The following ADAMTS17 variants were observed in gnomAD, a reference collection of about 807,000 sequenced individuals.
ADAMTS17 encodes ADAM metallopeptidase with thrombospondin type 1 motif 17, also known as A disintegrin and metalloproteinase with thrombospondin motifs 17.
In ADAMTS17, 113 loss-of-function variants were observed where a neutral mutation model predicts 141.5. That is an observed-to-expected ratio of 0.80 (90% CI 0.69 to 0.93). The LOEUF (loss-of-function observed/expected upper bound fraction) is 0.93, where lower values mean the gene tolerates loss of function less well. Among genes scored for constraint, ADAMTS17 ranks in the 40% least tolerant of loss-of-function variants. The pLI is 0.00. For missense variants in ADAMTS17, 1,659 were observed against 1,517.9 expected, an observed-to-expected ratio of 1.09 and a Z score of -1.54; for synonymous variants, 768 against 630.6, an observed-to-expected ratio of 1.22 and a Z score of -3.27.
chr15:100,055,395 A>C (rs2032481627), intron 15 of ADAMTS17, among the ~76,000 whole-genome samples: 1 of 152,248 alleles, frequency 6.6e-6, no homozygotes, highest in South Asian at 2.1e-4. Flanking sequence ...GTCGCTGGGT[A>C]GTCACTGGCC....
At chr15:100,263,964 A>T (rs1201043992) in intron 4 of ADAMTS17, among the ~76,000 whole-genome samples, 1 of 152,238 alleles carries the variant, frequency 6.6e-6, no homozygotes, top group Non-Finnish European at 1.5e-5. Context: ...AAGCGCTAGA[A>T]GCCAGGCACG....
intron 15 of ADAMTS17, chr15:100,063,600 C>T (rs2141669438): frequency 8.2e-7 from 1 of 1,223,792 alleles, no homozygotes; most frequent in Non-Finnish European, 1.1e-6. Context: ...GGAGGAATGA[C>T]ACTGAACCAA....
chr15:100,155,449 C>T, intron 8 of ADAMTS17, 129 bp from the exon 9 acceptor site: 3 of 1,292,696 alleles, frequency 2.3e-6, no homozygotes, highest in Non-Finnish European at 3.2e-6. Context: ...GAAAGTGGTT[C>T]TCACACAGCA....
At chr15:100,189,540 G>A (rs1205901313) in intron 8 of ADAMTS17, among the ~76,000 whole-genome samples, 1 of 152,164 alleles carries the variant, frequency 6.6e-6, no homozygotes, top group Non-Finnish European at 1.5e-5. Context: ...AGACTCACTA[G>A]GTGTCATTTA....
chr15:100,254,328 T>G (rs1371230692), intron 6 of ADAMTS17, 149 bp from the exon 7 acceptor site: 1 of 736,274 alleles, frequency 1.4e-6, no homozygotes, highest in Non-Finnish European at 2.3e-6. Flanking sequence ...ACAGCAGCGT[T>G]TGGCAACAGT....
At chr15:100,188,939 CCA>C (rs1193175857) in intron 8 of ADAMTS17, among the ~76,000 whole-genome samples, 2 of 152,210 alleles carry the variant, frequency 1.3e-5, no homozygotes, top group Non-Finnish European at 2.9e-5. Context: ...TTGCTTTAAC[CCA>C]CCAAGTTATA....
rs768247564 is a variant in ADAMTS17 at position 99,974,245 on chromosome 15, G to T, written c.*157C>A. 1.7e-5 allele frequency: 15 copies of T among 881,560 alleles called. No individual in the cohort carries two copies. Among genetic ancestry groups the T allele is most frequent in the Non-Finnish European group, 2.5e-5 (14 of 555,780 alleles). 54.6% of individuals were successfully genotyped at this position (881,560 alleles called of 1,614,324 possible). On this transcript the variant is annotated 3_prime_UTR_variant, in exon 22 of 22. Coordinates refer to ENST00000268070, the MANE Select transcript of ADAMTS17 (RefSeq NM_139057.4). ...TGGCTGTTAACAATATATTAAGTAC[G>T]GAAGCACTAATGGCAAACGCCAAGT...
intron 3 of ADAMTS17, among the ~76,000 whole-genome samples, chr15:100,319,248 T>C (rs1245067434): frequency 6.6e-6 from 1 of 152,218 alleles, no homozygotes; most frequent in East Asian, 1.9e-4. Context: ...ACGTGTGCTT[T>C]TCAGCAGTGA....
chr15:100,071,368 G>C (rs1256229176), intron 15 of ADAMTS17, among the ~76,000 whole-genome samples: 1 of 149,912 alleles, frequency 6.7e-6, no homozygotes, highest in Non-Finnish European at 1.5e-5. Context: ...TAGAAAAAGA[G>C]GGAATCCTCC....
At chr15:100,022,495 A>G (rs1367837457) in intron 18 of ADAMTS17, among the ~76,000 whole-genome samples, 6 of 152,192 alleles carry the variant, frequency 3.9e-5, no homozygotes, top group Non-Finnish European at 7.3e-5. Flanking sequence ...CACATCACAA[A>G]AAGATTCAAA....
At chr15:99,983,766 C>T (rs986202864) in intron 20 of ADAMTS17, among the ~76,000 whole-genome samples, 3 of 152,110 alleles carry the variant, frequency 2.0e-5, no homozygotes, top group Admixed American at 1.3e-4. Context: ...AATCCACCCC[C>T]GTCCCCACTG....
intron 2 of ADAMTS17, among the ~76,000 whole-genome samples, chr15:100,336,474 T>G (rs2141978552): frequency 6.6e-6 from 1 of 152,324 alleles, no homozygotes; most frequent in Non-Finnish European, 1.5e-5. Context: ...AAAGTGCCCC[T>G]TAACATCCAC....
chr15:100,117,171 C>T lies in ADAMTS17; in HGVS notation c.1722-158G>A, dbSNP rs72770224. On this transcript the variant is annotated intron_variant, in intron 12 of 21. Transcript: ENST00000268070. ...TGTTACAGACCAAATGCCCACAATC[C>T]CAGACCCACACTGCCGGCATGTTTA... 0.093 allele frequency among the ~76,000 whole-genome samples: 14,187 copies of T among 152,164 alleles called. 716 individuals carry two copies. The highest frequency in any genetic ancestry group is 0.16 in the Middle Eastern group (47 of 294).
chr15:100,073,124 A>G (rs2034103363), intron 15 of ADAMTS17, among the ~76,000 whole-genome samples: 1 of 152,242 alleles, frequency 6.6e-6, no homozygotes, highest in African/African-American at 2.4e-5. Context: ...ACACTTCTCA[A>G]AAGAAGACAT....
intron 14 of ADAMTS17, among the ~76,000 whole-genome samples, chr15:100,107,682 C>T (rs1406152515): frequency 6.6e-6 from 1 of 152,108 alleles, no homozygotes; most frequent in Admixed American, 6.5e-5. Context: ...AGAGAGCTCA[C>T]CAGCCCCTTC....
At chr15:100,262,542 T>C in intron 4 of ADAMTS17, 107 bp from the exon 5 acceptor site, 2 of 816,350 alleles carry the variant, frequency 2.4e-6, no homozygotes, top group Non-Finnish European at 3.9e-6. Context: ...TATGTAAAAA[T>C]AAGGAAATAG....
chr15:100,341,708 G>T, intron 1 of ADAMTS17, 113 bp downstream of exon 1: 2 of 1,339,754 alleles, frequency 1.5e-6, no homozygotes, highest in Non-Finnish European at 2.0e-6. Flanking sequence ...TCCTCCGCTC[G>T]GGCGCCGTCA....
At position 100,341,684 on chromosome 15, in the gene ADAMTS17, C is replaced by A. The variant is rs942650617; in HGVS notation, c.79+137G>T. The A allele has an allele frequency of 9.5e-6, 11 of 1,154,124 alleles. No homozygotes were observed. The African/African-American group carries it at 1.3e-4, about 14-fold the overall frequency. 71.5% of individuals were successfully genotyped at this position (1,154,124 alleles called of 1,614,324 possible). A position where few individuals can be genotyped will look rare whatever the true frequency, so the allele number is the denominator to read the frequency against. Reference sequence around the variant, plus strand: ...GAGCCACCCGATTCCCGTACTCCGGCCGCGGCCCGCGCCTCCTCCGCTCGG... The same window carrying A: ...GAGCCACCCGATTCCCGTACTCCGGACGCGGCCCGCGCCTCCTCCGCTCGG... On this transcript the variant is annotated intron_variant, in intron 1 of 21. Coordinates refer to ENST00000268070, the MANE Select transcript of ADAMTS17 (RefSeq NM_139057.4).
At chr15:100,138,944 T>G (rs111910534) in intron 10 of ADAMTS17, among the ~76,000 whole-genome samples, 18 of 152,124 alleles carry the variant, frequency 1.2e-4, no homozygotes, top group African/African-American at 3.6e-4. Context: ...AGGACAAAAA[T>G]TATCAGTGAT....
Sources: allele counts gnomAD v4.1 joint callset (sites outside exome capture counted in the v4.1 genomes callset), GRCh38; gene constraint gnomAD v4.1.1; transcripts MANE v1.5; gene names NCBI Gene and HGNC (gene_info 2026-07-23, HGNC 2026-07-21).